Variants in ATP8A2 observed in about 807,000 individuals in gnomAD.
ATP8A2 encodes phospholipid-transporting ATPase IB.
Under a neutral mutation model 165.6 loss-of-function variants are expected in ATP8A2, and 100 were observed. The observed-to-expected ratio is 0.60, with a 90% CI of 0.51 to 0.71. The LOEUF is 0.71. Among genes scored for constraint, ATP8A2 ranks in the 30% least tolerant of loss-of-function variants. The pLI, the probability that ATP8A2 is intolerant of heterozygous loss-of-function variation, is 0.00. For synonymous variants in ATP8A2, 543 were observed against 548.8 expected, an observed-to-expected ratio of 0.99 and a Z score of 0.15; for missense variants, 1,227 against 1,479.5, an observed-to-expected ratio of 0.83 and a Z score of 2.80.
At chr13:25,902,567 AT>A (rs1457826356) in intron 33 of ATP8A2, among the ~76,000 whole-genome samples, 1 of 134,706 alleles carries the variant, frequency 7.4e-6, no homozygotes, top group East Asian at 2.1e-4. Flanking sequence ...AACAACATCA[AT>A]TTAAAAAAAA....
intron 33 of ATP8A2, among the ~76,000 whole-genome samples, chr13:25,936,083 C>T (rs1287202568): frequency 6.6e-6 from 1 of 152,190 alleles, no homozygotes; most frequent in Non-Finnish European, 1.5e-5. Flanking sequence ...ATCAAGTACC[C>T]AGAGTCCTAT....
chr13:25,778,048 CTGGAGACCATTCCCAGTTACTA>C (rs1278801032), intron 27 of ATP8A2, among the ~76,000 whole-genome samples: 2 of 152,182 alleles, frequency 1.3e-5, no homozygotes, highest in Non-Finnish European at 2.9e-5. Context: ...ACAGTGTATT[CTGGAGACCATTCCCAGTTACTA>C]TGTATAGACC....
chr13:25,899,398 A>G (rs954712797), intron 33 of ATP8A2, among the ~76,000 whole-genome samples: 4 of 152,150 alleles, frequency 2.6e-5, no homozygotes, highest in Non-Finnish European at 5.9e-5. Flanking sequence ...GAGAATATAG[A>G]ACCTGATTTA....
Position 25,372,825 on chromosome 13 carries a change from A to G in ATP8A2, c.76+537A>G, listed in dbSNP as rs967438605. ...GCTCACAGCGGCGACGTACTGGCTC[A>G]TAACCATCCGTGCATACAACCATCT... On this transcript the variant is annotated intron_variant, in intron 1 of 36. Coordinates refer to ENST00000381655, the MANE Select transcript of ATP8A2 (RefSeq NM_016529.6). The surrounding 1 kb of genome is among the most constrained non-coding windows in gnomAD (Gnocchi z 4.8). Among the ~76,000 whole-genome samples, 2 of 152,220 alleles carry G rather than the reference A, an allele frequency of 1.3e-5. No homozygotes were observed. The highest frequency in any genetic ancestry group is 1.3e-4 in the Admixed American group (2 of 15,282).
intron 34 of ATP8A2, among the ~76,000 whole-genome samples, chr13:25,967,981 T>C (rs1389659797): frequency 1.3e-5 from 2 of 152,178 alleles, no homozygotes; most frequent in African/African-American, 4.8e-5. Flanking sequence ...GGTGAGTTGT[T>C]GCCAGAGGAA....
At chr13:25,629,890 GTAAT>G (rs2137505825) in intron 24 of ATP8A2, among the ~76,000 whole-genome samples, 1 of 152,240 alleles carries the variant, frequency 6.6e-6, no homozygotes, top group South Asian at 2.1e-4. Flanking sequence ...GAGGGAAAGA[GTAAT>G]ATAATATTGC....
intron 24 of ATP8A2, among the ~76,000 whole-genome samples, chr13:25,662,329 A>G (rs956042801): frequency 2.0e-5 from 3 of 152,158 alleles, no homozygotes; most frequent in Admixed American, 1.3e-4. Context: ...GCGATGTTTT[A>G]TCGTTGCCCC....
At chr13:25,689,372 T>G (rs2042674888) in intron 24 of ATP8A2, among the ~76,000 whole-genome samples, 1 of 152,240 alleles carries the variant, frequency 6.6e-6, no homozygotes, top group African/African-American at 2.4e-5. Context: ...TTATCTTCCT[T>G]TGGTAAAATT....
rs770238177 is a variant in ATP8A2 at position 25,563,945 on chromosome 13, C to T, written c.1398-11C>T. On this transcript the variant is annotated splice_polypyrimidine_tract_variant and intron_variant, in intron 15 of 36. Coordinates refer to ENST00000381655, the MANE Select transcript of ATP8A2 (RefSeq NM_016529.6). ...TTAAATTGAATAAATTTTCTCTGTT[C>T]TCTCTTACAGTCGGATGCCTCCTCC... 3 of 1,597,402 alleles carry T rather than the reference C, an allele frequency of 1.9e-6. No individual in the cohort carries two copies. Among genetic ancestry groups the T allele is most frequent in the South Asian group, 1.1e-5 (1 of 90,642 alleles).
At position 25,837,187 on chromosome 13, in the gene ATP8A2, A is replaced by T. The variant is rs1215849428; in HGVS notation, c.2779A>T (p.Thr927Ser). 6.2e-7 allele frequency: 1 copy of T among 1,613,680 alleles called. No homozygotes were observed. Among genetic ancestry groups the T allele is most frequent in the Non-Finnish European group, 8.5e-7 (1 of 1,179,950 alleles). ...NVIFTALPPF[T>S]LGIFERSCTQ... The stretch of plus-strand genomic sequence containing the variant: ...GATTTTCACCGCTTTGCCGCCCTTC[A>T]CTCTGGGAATCTTTGAGAGGTCTTG... The change falls in exon 29 of 37, where the codon ACT becomes TCT. Residue 927 changes from threonine to serine, a missense_variant. Physicochemically the swap from Thr to Ser is moderately conservative, Grantham distance 58 (BLOSUM62 1). Coordinates refer to ENST00000381655, the MANE Select transcript of ATP8A2 (RefSeq NM_016529.6).
At chr13:25,447,492 G>A (rs1438949014) in intron 1 of ATP8A2, among the ~76,000 whole-genome samples, 4 of 152,222 alleles carry the variant, frequency 2.6e-5, no homozygotes, top group Non-Finnish European at 5.9e-5. Context: ...CTTGTGGAAT[G>A]GGAAGCTCAC....
intron 8 of ATP8A2, among the ~76,000 whole-genome samples, chr13:25,541,418 GAGGCTGAGGTGGGAGGATCACTTGAGCTC>G (rs1485137104): frequency 1.3e-5 from 2 of 152,116 alleles, no homozygotes; most frequent in African/African-American, 4.8e-5. Flanking sequence ...AGCTACTTAG[GAGGCTGAGGTGGGAGGATCACTTGAGCTC>G]AGGATTTTGA....
chr13:25,683,452 C>T (rs1042661164), intron 24 of ATP8A2, among the ~76,000 whole-genome samples: 11 of 152,138 alleles, frequency 7.2e-5, no homozygotes, highest in Admixed American at 2.6e-4. Flanking sequence ...ACTAATACTT[C>T]TGTGGGTTTC....
intron 33 of ATP8A2, among the ~76,000 whole-genome samples, chr13:25,948,142 A>G (rs1305383794): frequency 2.0e-5 from 3 of 152,216 alleles, no homozygotes; most frequent in Admixed American, 6.5e-5. Context: ...TGGGACTTCT[A>G]TAGCACAGCT....
At chr13:26,002,562 T>TAA (rs56339912) in intron 35 of ATP8A2, among the ~76,000 whole-genome samples, 47 of 135,404 alleles carry the variant, frequency 3.5e-4, no homozygotes, top group Non-Finnish European at 3.1e-4. Context: ...CTTAAAGTAT[T>TAA]AAAAAAAAAA....
At chr13:25,515,410 A>G (rs1306416793) in intron 2 of ATP8A2, among the ~76,000 whole-genome samples, 1 of 152,260 alleles carries the variant, frequency 6.6e-6, no homozygotes, top group African/African-American at 2.4e-5. Flanking sequence ...CTTCTGAGAT[A>G]CCATTTGTGA....
rs767179537 is a variant in ATP8A2 at position 25,755,513 on chromosome 13, C to A, written c.2385-13533C>A. 5.9e-5 allele frequency among the ~76,000 whole-genome samples: 9 copies of A among 152,222 alleles called. No individual in the cohort carries two copies. In the South Asian group the frequency reaches 1.4e-3, roughly 24 times the overall value. On this transcript the variant is annotated intron_variant, in intron 25 of 36. Transcript: ENST00000381655. ...GGCAATTTAAAAATGAAGACATAAT[C>A]TTTTCCCTGTAGGAACTTACTATCT...
At chr13:25,737,868 C>T (rs1472894474) in intron 25 of ATP8A2, among the ~76,000 whole-genome samples, 15 of 151,996 alleles carry the variant, frequency 9.9e-5, no homozygotes, top group African/African-American at 2.2e-4. Flanking sequence ...GTATTTTTAG[C>T]AGAGACGGGG....
intron 1 of ATP8A2, among the ~76,000 whole-genome samples, chr13:25,376,327 T>C (rs2032625120): frequency 6.6e-6 from 1 of 152,260 alleles, no homozygotes; most frequent in Non-Finnish European, 1.5e-5. Context: ...CCATTTCCTA[T>C]ACTACCCTTT....
Sources: gnomAD v4.1 joint callset for allele counts (sites outside exome capture counted in the v4.1 genomes callset) on GRCh38, gnomAD v4.1.1 for gene constraint, Gnocchi (gnomAD v3.1) non-coding constraint, MANE v1.5 for transcripts, NCBI Gene and HGNC (gene_info 2026-07-23, HGNC 2026-07-21) for gene names.